UBXN2A: variants seen among roughly 807,000 people sequenced by gnomAD.
UBXN2A encodes the protein UBX domain-containing protein 2A.
In UBXN2A, 28 loss-of-function variants were observed where a neutral mutation model predicts 28.4. The ratio of observed to expected loss-of-function variants is 0.99; its 90% CI spans 0.73 to 1.35. UBXN2A has a LOEUF of 1.35. Among genes scored for constraint, UBXN2A ranks in the 40% most tolerant of loss-of-function variants. The probability of loss-of-function intolerance (pLI) is 0.00; values close to 1 mark genes in which losing one functional copy is unlikely to be tolerated. For missense variants in UBXN2A, 253 were observed against 297.9 expected, an observed-to-expected ratio of 0.85 and a Z score of 1.11; for synonymous variants, 97 against 103.6, an observed-to-expected ratio of 0.94 and a Z score of 0.39.
At chr2:23,966,712 A>G (rs1363850180) in intron 2 of UBXN2A, among the ~76,000 whole-genome samples, 36 of 148,424 alleles carry the variant, frequency 2.4e-4, no homozygotes, top group Middle Eastern at 7.2e-3. Context: ...TGGCCTCCCA[A>G]AGTGCTAGGA....
upstream of UBXN2A, among the ~76,000 whole-genome samples, chr2:23,935,502 T>C (rs1705497421): frequency 2.6e-5 from 4 of 152,174 alleles, no homozygotes; most frequent in South Asian, 6.2e-4. Flanking sequence ...TCAGCATCAC[T>C]AGTCATCAGA....
intron 2 of UBXN2A, among the ~76,000 whole-genome samples, chr2:23,962,618 T>A (rs1180327935): frequency 6.6e-6 from 1 of 150,544 alleles, no homozygotes; most frequent in Non-Finnish European, 1.5e-5. Flanking sequence ...TTTTTTTTTT[T>A]TTTTGAGACG....
chr2:23,995,284 G>A (rs144893160), intron 6 of UBXN2A, among the ~76,000 whole-genome samples: 149 of 151,930 alleles, frequency 9.8e-4, no homozygotes, highest in African/African-American at 3.3e-3. Flanking sequence ...CAGTGTAAAT[G>A]TGGAGCTCAC....
intron 1 of UBXN2A, among the ~76,000 whole-genome samples, chr2:23,931,340 G>A (rs1242230402): frequency 1.3e-5 from 2 of 151,858 alleles, no homozygotes; most frequent in East Asian, 1.9e-4. Context: ...GCAGATATTC[G>A]GAGGCTAAGG....
At chr2:23,947,496 C>T (rs1706144521) in intron 1 of UBXN2A, among the ~76,000 whole-genome samples, 1 of 152,084 alleles carries the variant, frequency 6.6e-6, no homozygotes, top group Non-Finnish European at 1.5e-5. Context: ...TTTTTATTCT[C>T]TGCAGTATAG....
In UBXN2A at chr2:24,001,314, TC is replaced by T. The variant is rs1198448403; in HGVS notation, c.*1448del. ...TGGTTTTCTGTTTCATACATCAGAG[TC>T]AACTTGTGAATACATTTAAAGATTA... On this transcript the variant is annotated 3_prime_UTR_variant, in exon 7 of 7. Transcript: ENST00000309033. 6.6e-6 allele frequency: 1 copy of T among 152,102 alleles called. No homozygotes were observed. The highest frequency in any genetic ancestry group is 2.4e-5 in the African/African-American group (1 of 41,426). 9.4% of individuals were successfully genotyped at this position (152,102 alleles called of 1,614,324 possible). A position where few individuals can be genotyped will look rare whatever the true frequency, so the allele number is the denominator to read the frequency against.
At chr2:23,934,684 T>C (rs1705473654) in intron 1 of UBXN2A, among the ~76,000 whole-genome samples, 1 of 152,148 alleles carries the variant, frequency 6.6e-6, no homozygotes, top group Non-Finnish European at 1.5e-5. Flanking sequence ...TGTACACTTA[T>C]AACTAAAAAG....
At chr2:23,974,014 T>TG (rs1707537476) in intron 3 of UBXN2A, among the ~76,000 whole-genome samples, 1 of 114,644 alleles carries the variant, frequency 8.7e-6, no homozygotes, top group Non-Finnish European at 1.9e-5. Flanking sequence ...TGAAAATGAT[T>TG]AATTTTTTTT....
intron 6 of UBXN2A, 56 bp from the exon 7 acceptor site, chr2:23,999,616 A>C: frequency 2.0e-6 from 3 of 1,525,902 alleles, no homozygotes; most frequent in Non-Finnish European, 2.7e-6. Context: ...TGTTACTATA[A>C]ATTAGGTAAT....
chr2:23,971,399 T>A lies in UBXN2A; in HGVS notation c.165T>A (p.Ala55=). ...QKVSSKCVSP[A]EQKKQVDVNI... ...TTAGTTCCAAATGTGTGTCTCCCGC[T>A]GAACAGAAGAAACAGGTAAATAAAT... Residue 55 remains alanine, a synonymous_variant, in exon 3 of 7, where the codon GCT becomes GCA. Coordinates refer to ENST00000309033, the MANE Select transcript of UBXN2A (RefSeq NM_181713.4). 1 of 1,547,666 alleles carries A rather than the reference T, an allele frequency of 6.5e-7. No individual in the cohort carries two copies. Among genetic ancestry groups the A allele is most frequent in the Non-Finnish European group, 8.8e-7 (1 of 1,136,574 alleles).
intron 2 of UBXN2A, among the ~76,000 whole-genome samples, chr2:23,969,202 T>C (rs1366461940): frequency 1.3e-5 from 2 of 151,886 alleles, no homozygotes; most frequent in African/African-American, 4.8e-5. Flanking sequence ...ATATTTCTTC[T>C]ATAAAGAAAT....
chr2:23,955,204 T>C (rs1558285965), intron 1 of UBXN2A, among the ~76,000 whole-genome samples: 1 of 152,144 alleles, frequency 6.6e-6, no homozygotes, highest in Non-Finnish European at 1.5e-5. Flanking sequence ...GTGCTGGGAT[T>C]ACAGGCGTGA....
chr2:23,985,692 T>C (rs1369128476), intron 6 of UBXN2A, among the ~76,000 whole-genome samples: 15 of 151,692 alleles, frequency 9.9e-5, no homozygotes, highest in Middle Eastern at 3.2e-3. Context: ...ATAATGGGTA[T>C]TTTTAAACAT....
intron 6 of UBXN2A, among the ~76,000 whole-genome samples, chr2:23,990,669 G>A (rs939616405): frequency 5.3e-5 from 8 of 151,748 alleles, no homozygotes; most frequent in Admixed American, 5.3e-4. Flanking sequence ...AGCTACTTGG[G>A]AGGCTGAAGC....
chr2:23,960,419 C>G (rs559223982), intron 2 of UBXN2A, among the ~76,000 whole-genome samples: 1 of 152,278 alleles, frequency 6.6e-6, no homozygotes, highest in African/African-American at 2.4e-5. Context: ...TAACTTAGAA[C>G]AGGCCTGTTT....
chr2:24,004,148 G>A lies in UBXN2A; in HGVS notation c.*4281G>A, dbSNP rs1480402503. ...GATTTTCTACAATGAGAATCATCCA[G>A]TAAAGCTTTTTAACTGAGAATTTAA... On this transcript the variant is annotated 3_prime_UTR_variant, in exon 7 of 7. Transcript: ENST00000309033. 1 of 152,166 alleles carries A rather than the reference G, an allele frequency of 6.6e-6. No homozygotes were observed. The highest frequency in any genetic ancestry group is 1.9e-4 in the East Asian group (1 of 5,200). 9.4% of individuals were successfully genotyped at this position (152,166 alleles called of 1,614,324 possible). A position where few individuals can be genotyped will look rare whatever the true frequency, so the allele number is the denominator to read the frequency against.
chr2:23,976,404 T>G (rs1002733663), intron 3 of UBXN2A, among the ~76,000 whole-genome samples: 7 of 152,166 alleles, frequency 4.6e-5, no homozygotes, highest in Non-Finnish European at 1.0e-4. Flanking sequence ...CCTTATATTT[T>G]AATGTTTATG....
At chr2:23,982,760 A>T in intron 4 of UBXN2A, 136 bp from the exon 5 acceptor site, 1 of 909,522 alleles carries the variant, frequency 1.1e-6, no homozygotes, top group Non-Finnish European at 1.5e-6. Context: ...TTTTGAATAC[A>T]TTTAGTTATT....
At chr2:23,958,378 G>C (rs1706739127) in intron 2 of UBXN2A, 23 bp downstream of exon 2, 1 of 1,589,108 alleles carries the variant, frequency 6.3e-7, no homozygotes, top group African/African-American at 1.4e-5. Context: ...AAACTGAATT[G>C]CTTTGTTAAT....
Sources: gnomAD v4.1 joint callset for allele counts (sites outside exome capture counted in the v4.1 genomes callset) on GRCh38, gnomAD v4.1.1 for gene constraint, MANE v1.5 for transcripts, NCBI Gene and HGNC (gene_info 2026-07-23, HGNC 2026-07-21) for gene names.